Variants in HERC1 observed in about 807,000 individuals in gnomAD.
HERC1 encodes the protein probable E3 ubiquitin-protein ligase HERC1.
HERC1 carries 160 observed loss-of-function variants against 554.3 expected under a neutral mutation model. That is an observed-to-expected ratio of 0.29 (90% confidence interval 0.25 to 0.33). The LOEUF is 0.33. HERC1 is among the 10% of genes least tolerant of loss of function. The probability of loss-of-function intolerance (pLI) is 1.00; values close to 1 mark genes in which losing one functional copy is unlikely to be tolerated. For missense variants in HERC1, 4,919 were observed against 5,918.5 expected, an observed-to-expected ratio of 0.83 and a Z score of 5.54; for synonymous variants, 2,175 against 2,131.7, an observed-to-expected ratio of 1.02 and a Z score of -0.56.
At chr15:63,778,536 T>C (rs958502650) in intron 1 of HERC1, among the ~76,000 whole-genome samples, 2 of 151,584 alleles carry the variant, frequency 1.3e-5, no homozygotes, top group East Asian at 3.9e-4. Context: ...TGGTGAAGGG[T>C]AAAAGAAGAA....
At chr15:63,696,456 TTC>T (rs2072419778) in intron 26 of HERC1, 117 bp from the exon 27 acceptor site, 2 of 661,996 alleles carry the variant, frequency 3.0e-6, no homozygotes. Flanking sequence ...TATGAATCTA[TTC>T]TAAGATAAAC....
intron 48 of HERC1, among the ~76,000 whole-genome samples, 185 bp downstream of exon 48, chr15:63,658,359 A>C (rs966003040): frequency 6.6e-6 from 1 of 152,234 alleles, no homozygotes; most frequent in Non-Finnish European, 1.5e-5. Context: ...TTCTACCTAA[A>C]AAGAGCCAAG....
chr15:63,665,742 T>C (rs1255532685), intron 42 of HERC1, among the ~76,000 whole-genome samples, 177 bp downstream of exon 42: 3 of 152,220 alleles, frequency 2.0e-5, no homozygotes, highest in Admixed American at 6.5e-5. Flanking sequence ...TCAAAACTTG[T>C]CATGTCACTT....
intron 13 of HERC1, 50 bp from the exon 14 acceptor site, chr15:63,733,195 A>G: frequency 8.5e-7 from 1 of 1,170,414 alleles, no homozygotes; most frequent in Non-Finnish European, 1.3e-6. Context: ...ATGCACTAGA[A>G]AAGAACACAA....
chr15:63,615,862 A>T lies in HERC1; in HGVS notation c.14000T>A (p.Ile4667Asn). ...QSADGKMVPI[I>N]PGGNSIPLTF... is the part of the protein sequence containing the mutation. Reference sequence around the variant, plus strand: ...GAGTGGGATACTATTTCCACCAGGGATTATAGGAACCATTTTGCCATCAGC... The same window carrying T: ...GAGTGGGATACTATTTCCACCAGGGTTTATAGGAACCATTTTGCCATCAGC... The change falls in exon 76 of 78, where the codon ATC becomes AAC. Residue 4667 changes from isoleucine to asparagine, a missense_variant. By Grantham distance (149) the Ile-to-Asn change is moderately radical (BLOSUM62 -3). Coordinates refer to ENST00000443617, the MANE Select transcript of HERC1 (RefSeq NM_003922.4). The T allele has an allele frequency of 6.2e-7, 1 of 1,607,676 alleles. No individual in the cohort carries two copies. Among genetic ancestry groups the T allele is most frequent in the African/African-American group, 1.3e-5 (1 of 74,746 alleles).
At position 63,733,068 on chromosome 15, in the gene HERC1, G is replaced by A; in HGVS notation, c.2724C>T (p.Pro908=). Residue 908 remains proline, a synonymous_variant, in exon 14 of 78, where the codon CCC becomes CCT. Coordinates refer to ENST00000443617, the MANE Select transcript of HERC1 (RefSeq NM_003922.4). The part of the protein sequence containing the change: ...HVASLLGYSS[P]SDAADLSSVC... ...CAGAAGATAGGTCAGCAGCATCAGA[G>A]GGTGAACTATAGCCAAGTAGGGAGG... is the stretch of plus-strand genomic sequence containing the variant. 6.2e-7 allele frequency: 1 copy of A among 1,613,796 alleles called. No individual in the cohort carries two copies. Among genetic ancestry groups the A allele is most frequent in the Non-Finnish European group, 8.5e-7 (1 of 1,179,734 alleles).
intron 59 of HERC1, among the ~76,000 whole-genome samples, chr15:63,642,685 A>G (rs1029213102): frequency 6.6e-6 from 1 of 152,172 alleles, no homozygotes; most frequent in Non-Finnish European, 1.5e-5. Flanking sequence ...AGAAAGTCAA[A>G]ATCTACTTTA....
rs751422762 is a variant in HERC1, at chr15:63,638,726, T to C, written c.11952A>G (p.Ala3984=). The C allele has an allele frequency of 6.2e-7, 1 of 1,613,240 alleles. No homozygotes were observed. Among genetic ancestry groups the C allele is most frequent in the Non-Finnish European group, 8.5e-7 (1 of 1,179,200 alleles). ...NGMDEQIMSW[A]TSRPEDWHLG... The stretch of plus-strand genomic sequence containing the variant: ...CTTTACTGACCTCAGGTCTGGAAGT[T>C]GCCCAAGACATAATTTGTTCATCCA... The change falls in exon 62 of 78, where the codon GCA becomes GCG. Residue 3984 remains alanine, a synonymous_variant. Coordinates refer to ENST00000443617, the MANE Select transcript of HERC1 (RefSeq NM_003922.4).
Position 63,725,410 on chromosome 15 carries a change from C to T in HERC1, c.3450G>A (p.Gly1150=), listed in dbSNP as rs2073999650. The part of the protein sequence containing the change: ...DLERTIALLI[G]RCLGGMLQGS... ...CCTGAAGCATGCCACCAAGACACCG[C>T]CCAATAAGGAGAGCAATTGTTCTTT... is the stretch of plus-strand genomic sequence containing the variant. The change falls in exon 18 of 78, where the codon GGG becomes GGA. Residue 1150 remains glycine (G), a synonymous_variant. Coordinates refer to ENST00000443617, the MANE Select transcript of HERC1 (RefSeq NM_003922.4). 2 of 1,613,930 alleles carry T rather than the reference C, an allele frequency of 1.2e-6. No homozygotes were observed. The highest frequency in any genetic ancestry group is 2.2e-5 in the East Asian group (1 of 44,878).
chr15:63,783,606 G>A (rs1329007668), intron 1 of HERC1, among the ~76,000 whole-genome samples: 7 of 152,084 alleles, frequency 4.6e-5, no homozygotes, highest in Admixed American at 3.9e-4. Flanking sequence ...TCGCTTTATT[G>A]CAGTGGTCTG....
intron 12 of HERC1, among the ~76,000 whole-genome samples, chr15:63,745,096 C>T (rs1266856856): frequency 1.3e-5 from 2 of 152,184 alleles, no homozygotes; most frequent in African/African-American, 4.8e-5. Context: ...GACTGGTCCC[C>T]TATCCTGCTG....
At chr15:63,829,071 C>T (rs1017773358) in intron 1 of HERC1, among the ~76,000 whole-genome samples, 1 of 152,038 alleles carries the variant, frequency 6.6e-6, no homozygotes, top group African/African-American at 2.4e-5. Flanking sequence ...TTAGAATGAA[C>T]TTTGTGGTAC....
intron 10 of HERC1, among the ~76,000 whole-genome samples, chr15:63,748,356 T>G (rs2075130996): frequency 6.6e-6 from 1 of 152,196 alleles, no homozygotes; most frequent in Admixed American, 6.5e-5. Context: ...ATTTGCCATC[T>G]TTAAGAAGAA....
At chr15:63,661,355 G>A (rs2070349360) in intron 45 of HERC1, among the ~76,000 whole-genome samples, 1 of 152,162 alleles carries the variant, frequency 6.6e-6, no homozygotes, top group Admixed American at 6.5e-5. Context: ...GATTAAGGAT[G>A]TAAAGAGATA....
At chr15:63,665,292 G>C (rs1257143942) in intron 42 of HERC1, among the ~76,000 whole-genome samples, 2 of 152,188 alleles carry the variant, frequency 1.3e-5, no homozygotes, top group African/African-American at 4.8e-5. Flanking sequence ...CCAGCACTTT[G>C]GAAGACCAAG....
In HERC1 at chr15:63,713,438, T is replaced by C; in HGVS notation, c.4378A>G (p.Ile1460Val). The C allele has an allele frequency of 6.2e-7, 1 of 1,614,018 alleles. No homozygotes were observed. Among genetic ancestry groups the C allele is most frequent in the Non-Finnish European group, 8.5e-7 (1 of 1,179,882 alleles). The change falls in exon 23 of 78, where the codon ATA becomes GTA. Residue 1460 changes from isoleucine (I) to valine (V), a missense_variant. Ile to Val is a conservative substitution (Grantham distance 29). Transcript: ENST00000443617. ...TCTCTTCGCTTCTGAAGCTCATCTA[T>C]CACAGGACTTACTCCTAATATTAAC... ...ALLILGVSPV[I>V]DELQKRREEG... is the part of the protein sequence containing the mutation.
chr15:63,792,699 T>C (rs1210758668), intron 1 of HERC1, among the ~76,000 whole-genome samples: 2 of 152,204 alleles, frequency 1.3e-5, no homozygotes, highest in African/African-American at 4.8e-5. Context: ...TGTGACCAAA[T>C]GTGTGGGAGA....
chr15:63,794,293 G>A (rs143817982), intron 1 of HERC1, among the ~76,000 whole-genome samples: 260 of 152,056 alleles, frequency 1.7e-3, no homozygotes, highest in African/African-American at 5.9e-3. Context: ...TCTTTCTTGC[G>A]TGAGATCCAA....
chr15:63,737,968 T>A (rs1194054581), intron 12 of HERC1, among the ~76,000 whole-genome samples: 8 of 152,166 alleles, frequency 5.3e-5, no homozygotes, highest in Non-Finnish European at 1.2e-4. Context: ...TCAAACTGTT[T>A]AAGTGTGAGC....
Sources: gnomAD v4.1 joint callset for allele counts (sites outside exome capture counted in the v4.1 genomes callset) on GRCh38, gnomAD v4.1.1 for gene constraint, MANE v1.5 for transcripts, NCBI Gene and HGNC (gene_info 2026-07-23, HGNC 2026-07-21) for gene names.